The following BMPR1B variants were observed in gnomAD, a reference collection of about 807,000 sequenced individuals.
BMPR1B encodes the protein bone morphogenetic protein receptor type-1B.
Under a neutral mutation model 59.1 loss-of-function variants are expected in BMPR1B, and 12 were observed. The observed-to-expected ratio is 0.20, with a 90% CI of 0.13 to 0.33. The LOEUF is 0.33. Among genes scored for constraint, BMPR1B ranks in the 10% least tolerant of loss-of-function variants. BMPR1B has a pLI of 1.00. For missense variants in BMPR1B, 550 were observed against 610.9 expected (o/e 0.90, Z 1.05); for synonymous variants, 237 against 207.3 (o/e 1.14, Z -1.23).
At chr4:95,009,383 A>G (rs1277829225) in intron 3 of BMPR1B, among the ~76,000 whole-genome samples, 1 of 152,204 alleles carries the variant, frequency 6.6e-6, no homozygotes, top group Admixed American at 6.5e-5. Flanking sequence ...GAAACAACCC[A>G]AAAGAGAACA....
chr4:94,848,236 G>A (rs1366453353), intron 1 of BMPR1B, among the ~76,000 whole-genome samples: 2 of 152,060 alleles, frequency 1.3e-5, no homozygotes, highest in Admixed American at 1.3e-4. Flanking sequence ...ATCTATGAAA[G>A]CCATTTGTAG....
At chr4:94,921,904 A>G (rs919348424) in intron 2 of BMPR1B, among the ~76,000 whole-genome samples, 3 of 152,076 alleles carry the variant, frequency 2.0e-5, no homozygotes, top group African/African-American at 7.2e-5. Flanking sequence ...AGATCCTAAT[A>G]TTTTAGATAA....
chr4:94,961,308 A>C (rs550805751), intron 2 of BMPR1B, among the ~76,000 whole-genome samples: 1 of 152,242 alleles, frequency 6.6e-6, no homozygotes, highest in Non-Finnish European at 1.5e-5. Flanking sequence ...TGTCTAGGAC[A>C]ATGGCCGTTT....
chr4:94,879,391 A>G (rs1726869210), intron 2 of BMPR1B, among the ~76,000 whole-genome samples: 1 of 152,230 alleles, frequency 6.6e-6, no homozygotes, highest in Non-Finnish European at 1.5e-5. Context: ...GCTAGAGCCC[A>G]CAAGTTTGAA....
intron 1 of BMPR1B, among the ~76,000 whole-genome samples, chr4:94,796,219 C>T (rs538356018): frequency 6.6e-6 from 1 of 152,310 alleles, no homozygotes; most frequent in African/African-American, 2.4e-5. Flanking sequence ...TCCGCCTCAG[C>T]CTCCCAAAAT....
chr4:94,813,025 T>G (rs905275432), intron 1 of BMPR1B, among the ~76,000 whole-genome samples: 1 of 151,538 alleles, frequency 6.6e-6, no homozygotes, highest in Admixed American at 6.6e-5. Flanking sequence ...TCATCTTCCA[T>G]AGGGTTTTTA....
chr4:94,872,888 A>T (rs978211235), intron 1 of BMPR1B, among the ~76,000 whole-genome samples: 1 of 152,214 alleles, frequency 6.6e-6, no homozygotes, highest in Non-Finnish European at 1.5e-5. Context: ...GAAGTTTTAG[A>T]GTGAAGAGAT....
chr4:94,938,878 GC>G, intron 2 of BMPR1B, among the ~76,000 whole-genome samples: 1 of 151,836 alleles, frequency 6.6e-6, no homozygotes, highest in East Asian at 1.9e-4. Context: ...ATGTGTGGGG[GC>G]ACATGCCTGT....
At chr4:94,790,098 T>A (rs768541117) in intron 1 of BMPR1B, among the ~76,000 whole-genome samples, 1 of 152,198 alleles carries the variant, frequency 6.6e-6, no homozygotes, top group Non-Finnish European at 1.5e-5. Flanking sequence ...ATACACCATA[T>A]AAAGTATGTG....
At chr4:94,925,816 G>A (rs1374487182) in intron 2 of BMPR1B, among the ~76,000 whole-genome samples, 2 of 152,152 alleles carry the variant, frequency 1.3e-5, no homozygotes, top group East Asian at 3.9e-4. Flanking sequence ...AGTTGGTGGG[G>A]TGTTAGTGGA....
At chr4:94,987,802 T>G (rs1215778240) in intron 2 of BMPR1B, among the ~76,000 whole-genome samples, 1 of 152,180 alleles carries the variant, frequency 6.6e-6, no homozygotes, top group Non-Finnish European at 1.5e-5. Flanking sequence ...AATAGCATAT[T>G]GTTAATTATG....
At chr4:95,024,371 T>TC (rs1443832992) in intron 3 of BMPR1B, among the ~76,000 whole-genome samples, 1 of 152,196 alleles carries the variant, frequency 6.6e-6, no homozygotes, top group Non-Finnish European at 1.5e-5. Flanking sequence ...TTTAGGATTT[T>TC]CCCCGCTTTC....
rs554824407 is a variant in BMPR1B, at chr4:94,993,360, G to GA, written c.-112-2676dup. Among the ~76,000 whole-genome samples the GA allele has an allele frequency of 6.9e-4, 105 of 152,224 alleles. 1 individual carries two copies. The South Asian group carries it at 0.021, about 31-fold the overall frequency. ...ACACTCTTTCTCTTACCTTACAAGA[G>GA]AAAAGCACACCCTTATCCATCCCAA... is the stretch of plus-strand genomic sequence containing the variant. On this transcript the variant is annotated intron_variant, in intron 2 of 12. Coordinates refer to ENST00000515059, the MANE Select transcript of BMPR1B (RefSeq NM_001203.3).
chr4:94,853,965 T>A (rs1725661831), intron 1 of BMPR1B, among the ~76,000 whole-genome samples: 1 of 152,198 alleles, frequency 6.6e-6, no homozygotes, highest in East Asian at 1.9e-4. Context: ...TTTTACAGCC[T>A]TTTTCTTCAG....
chr4:94,814,377 C>A (rs925428369), intron 1 of BMPR1B, among the ~76,000 whole-genome samples: 1 of 152,164 alleles, frequency 6.6e-6, no homozygotes, highest in African/African-American at 2.4e-5. Flanking sequence ...ATTATGCTTA[C>A]TAATTGTTGA....
chr4:94,856,727 C>T (rs372766710), intron 1 of BMPR1B, among the ~76,000 whole-genome samples: 180 of 152,186 alleles, frequency 1.2e-3, no homozygotes, highest in African/African-American at 3.9e-3. Flanking sequence ...TGGTAGATGC[C>T]GTCATCATTA....
intron 3 of BMPR1B, among the ~76,000 whole-genome samples, chr4:95,000,511 A>G (rs866430678): frequency 2.0e-5 from 3 of 152,094 alleles, no homozygotes; most frequent in Non-Finnish European, 4.4e-5. Flanking sequence ...TATCGAAAGA[A>G]AGAAAGAAAG....
At chr4:94,903,743 A>G (rs114347432) in intron 2 of BMPR1B, among the ~76,000 whole-genome samples, 169 of 152,056 alleles carry the variant, frequency 1.1e-3, no homozygotes, top group African/African-American at 3.7e-3. Context: ...ATCCGGTATG[A>G]CTGGTGTCCT....
chr4:95,032,156 A>G (rs1009466145), intron 3 of BMPR1B, among the ~76,000 whole-genome samples: 3 of 152,064 alleles, frequency 2.0e-5, no homozygotes, highest in Non-Finnish European at 4.4e-5. Flanking sequence ...GAAATGCAAG[A>G]TCAAGGGGCT....
Sources: gnomAD v4.1 joint callset for allele counts (sites outside exome capture counted in the v4.1 genomes callset) on GRCh38, gnomAD v4.1.1 for gene constraint, MANE v1.5 for transcripts, NCBI Gene and HGNC (gene_info 2026-07-23, HGNC 2026-07-21) for gene names.